Variants in CALD1 observed in about 807,000 individuals in gnomAD.
CALD1 encodes caldesmon.
In CALD1, 33 loss-of-function variants were observed where a neutral mutation model predicts 99.9. That is an observed-to-expected ratio of 0.33 (90% CI 0.25 to 0.44). The LOEUF is 0.44. CALD1 is among the 20% of genes least tolerant of loss of function. CALD1 has a pLI of 1.00. For synonymous variants in CALD1, 310 were observed against 325.0 expected, an observed-to-expected ratio of 0.95 and a Z score of 0.50; for missense variants, 861 against 962.1, an observed-to-expected ratio of 0.89 and a Z score of 1.39.
intron 1 of CALD1, among the ~76,000 whole-genome samples, chr7:134,747,891 A>G (rs190466315): frequency 7.2e-5 from 11 of 152,220 alleles, no homozygotes; most frequent in Admixed American, 1.3e-4. Context: ...GAGACCACAG[A>G]CCAGTAGAGC....
chr7:134,742,275 A>G (rs530276266), upstream of CALD1, among the ~76,000 whole-genome samples: 4 of 152,358 alleles, frequency 2.6e-5, no homozygotes, highest in African/African-American at 9.6e-5. Context: ...ACTCAAAGTG[A>G]CATTCATGCA....
At chr7:134,721,530 A>C in the CALD1 span, among the ~76,000 whole-genome samples, 1 of 151,908 alleles carries the variant, frequency 6.6e-6, no homozygotes, top group Non-Finnish European at 1.5e-5. Flanking sequence ...ATAGTAGAAC[A>C]GTTTACTGGG....
chr7:134,746,418 G>T (rs1202173999), intron 1 of CALD1, among the ~76,000 whole-genome samples: 1 of 152,210 alleles, frequency 6.6e-6, no homozygotes, highest in Non-Finnish European at 1.5e-5. Flanking sequence ...AAGCCACCTG[G>T]TTTATGGTAC....
intron 7 of CALD1, among the ~76,000 whole-genome samples, chr7:134,945,389 T>C (rs1806777095): frequency 6.6e-6 from 1 of 152,172 alleles, no homozygotes; most frequent in Admixed American, 6.5e-5. Context: ...TGGAATAACA[T>C]GTTCTATTTC....
At chr7:134,926,542 T>C (rs1279210255) in intron 3 of CALD1, among the ~76,000 whole-genome samples, 3 of 152,174 alleles carry the variant, frequency 2.0e-5, no homozygotes, top group Non-Finnish European at 2.9e-5. Context: ...CCAACCAACC[T>C]TCGGAATCAT....
At chr7:134,889,564 T>C (rs1333437151) in intron 3 of CALD1, among the ~76,000 whole-genome samples, 2 of 152,082 alleles carry the variant, frequency 1.3e-5, no homozygotes, top group Admixed American at 6.5e-5. Context: ...CCACCTACCA[T>C]AGAAAACCAC....
At chr7:134,737,813 T>C in the CALD1 span, among the ~76,000 whole-genome samples, 1 of 152,216 alleles carries the variant, frequency 6.6e-6, no homozygotes, top group Admixed American at 6.5e-5. Context: ...TGGAGTATTT[T>C]TGTAATTGCT....
chr7:134,858,078 T>TTC (rs1461678828), intron 2 of CALD1, among the ~76,000 whole-genome samples: 1 of 151,374 alleles, frequency 6.6e-6, no homozygotes, highest in African/African-American at 2.4e-5. Flanking sequence ...TTGCTGACTT[T>TTC]TTTTTTTTTT....
At chr7:134,803,302 T>C (rs900970556) in intron 1 of CALD1, among the ~76,000 whole-genome samples, 2 of 152,158 alleles carry the variant, frequency 1.3e-5, no homozygotes, top group Admixed American at 1.3e-4. Flanking sequence ...ATTATATTAA[T>C]ACATATTTTC....
At chr7:134,959,952 A>G (rs745587290) in intron 11 of CALD1, 22 bp from the exon 12 acceptor site, 2 of 1,611,732 alleles carry the variant, frequency 1.2e-6, no homozygotes, top group East Asian at 2.2e-5. Context: ...CACCAATCCT[A>G]AAAATAACTC....
the CALD1 span, among the ~76,000 whole-genome samples, chr7:134,720,184 CTTTTTTT>C: frequency 2.4e-4 from 33 of 139,916 alleles, no homozygotes; most frequent in Middle Eastern, 3.8e-3. Context: ...TAGCCCTCCT[CTTTTTTT>C]TTTTTTTTTT....
At chr7:134,799,225 A>T (rs973058269) in intron 1 of CALD1, among the ~76,000 whole-genome samples, 8 of 152,238 alleles carry the variant, frequency 5.3e-5, no homozygotes, top group Admixed American at 4.6e-4. Flanking sequence ...CAAAAAATTA[A>T]TTGAGAGGAA....
At chr7:134,924,526 T>C (rs1291802216) in intron 3 of CALD1, among the ~76,000 whole-genome samples, 2 of 152,208 alleles carry the variant, frequency 1.3e-5, no homozygotes, top group African/African-American at 4.8e-5. Context: ...TTTTCACCCC[T>C]ATCAAGTCAT....
At chr7:134,779,082 T>C (rs980404544), upstream of CALD1, among the ~76,000 whole-genome samples, 88 of 152,226 alleles carry the variant, frequency 5.8e-4, 1 homozygote, top group African/African-American at 2.0e-3. Flanking sequence ...GGTTTTAGAA[T>C]TGCATAACAA....
At chr7:134,735,694 G>A in the CALD1 span, among the ~76,000 whole-genome samples, 3 of 151,878 alleles carry the variant, frequency 2.0e-5, no homozygotes, top group African/African-American at 4.8e-5. Context: ...TTGCTCCTGG[G>A]ACTTGGTTTA....
chr7:134,907,374 G>C (rs985582679), intron 3 of CALD1, among the ~76,000 whole-genome samples: 1 of 151,910 alleles, frequency 6.6e-6, no homozygotes, highest in African/African-American at 2.4e-5. Flanking sequence ...CAGAGGAGAA[G>C]CAGAAAGAGA....
At chr7:134,807,923 C>T (rs561705840) in intron 1 of CALD1, among the ~76,000 whole-genome samples, 3 of 152,040 alleles carry the variant, frequency 2.0e-5, no homozygotes, top group East Asian at 1.9e-4. Flanking sequence ...CCACCGTGCC[C>T]GGCCGATTAT....
chr7:134,843,471 A>G (rs1799731334), intron 1 of CALD1, among the ~76,000 whole-genome samples: 1 of 152,240 alleles, frequency 6.6e-6, no homozygotes, highest in East Asian at 1.9e-4. Context: ...TTGTCTCACT[A>G]ACAAGGTAGT....
At chr7:134,799,470 T>C (rs748828825) in intron 1 of CALD1, among the ~76,000 whole-genome samples, 7 of 152,224 alleles carry the variant, frequency 4.6e-5, no homozygotes, top group Non-Finnish European at 7.3e-5. Flanking sequence ...TGCTTTGGTC[T>C]TTCCTGTTCC....
Sources: gnomAD v4.1 joint callset for allele counts (sites outside exome capture counted in the v4.1 genomes callset) on GRCh38, gnomAD v4.1.1 for gene constraint, MANE v1.5 for transcripts, NCBI Gene and HGNC (gene_info 2026-07-23, HGNC 2026-07-21) for gene names.